SLC45A1: variants seen among roughly 807,000 people sequenced by gnomAD.
The protein encoded by SLC45A1 is proton-associated sugar transporter A.
In SLC45A1, 28 loss-of-function variants were observed where a neutral mutation model predicts 57.6. The observed-to-expected ratio is 0.49, with a 90% CI of 0.36 to 0.67. The LOEUF is 0.67. SLC45A1 is among the 30% of genes least tolerant of loss of function. SLC45A1 has a pLI of 0.00. For synonymous variants in SLC45A1, 459 were observed against 471.5 expected (o/e 0.97, Z 0.34); for missense variants, 814 against 1,041.5 (o/e 0.78, Z 3.01).
intron 2 of SLC45A1, 77 bp downstream of exon 2, chr1:8,324,803 C>T (rs1640147089): frequency 7.3e-7 from 1 of 1,363,456 alleles, no homozygotes; most frequent in African/African-American, 1.5e-5. Context: ...CCTGAGGGTC[C>T]TGAGGGGAGA....
chr1:8,325,371 C>G lies in SLC45A1; in HGVS notation c.471C>G (p.Phe157Leu). 3.1e-6 allele frequency: 5 copies of G among 1,611,206 alleles called. No individual in the cohort carries two copies. The highest frequency in any genetic ancestry group is 4.2e-6 in the Non-Finnish European group (5 of 1,177,748). The change falls in exon 3 of 9, where the codon TTC (phenylalanine) becomes TTG (leucine). Residue 157 changes from phenylalanine to leucine, a missense_variant. Transcript: ENST00000471889. This position sits in a 1 kb window ranked among gnomAD's most constrained non-coding sequence, Gnocchi z 6.3. ...CAAGGTTTGGAAGGAGACGCCCTTT[C>G]ATTCTTGTCCTGGCTATAGGTCTGT... is the stretch of plus-strand genomic sequence containing the variant. ...CTSRFGRRRP[F>L]ILVLAIGALL...
In SLC45A1 at chr1:8,330,527, C is replaced by T. The variant is rs777620328; in HGVS notation, c.1034C>T (p.Thr345Met). 13 of 1,613,274 alleles carry T rather than the reference C, an allele frequency of 8.1e-6. No individual in the cohort carries two copies. Among genetic ancestry groups the T allele is most frequent in the Admixed American group, 3.3e-5 (2 of 60,012 alleles). Residue 345 changes from threonine (T) to methionine (M), a missense_variant, in exon 5 of 9, where the codon ACG becomes ATG. Transcript: ENST00000471889. The surrounding 1 kb of genome is among the most constrained non-coding windows in gnomAD (Gnocchi z 8.4). Reference sequence around the variant, plus strand: ...CCCATCTCGCCGCCCAGCCCCCTCACGCCCAAGTACGGCAGCTTCATCAGC... The same window carrying T: ...CCCATCTCGCCGCCCAGCCCCCTCATGCCCAAGTACGGCAGCTTCATCAGC... ...SSPISPPSPL[T>M]PKYGSFISRD...
Position 8,335,552 on chromosome 1 carries a change from C to T in SLC45A1, c.1559C>T (p.Pro520Leu). The change falls in exon 6 of 9, where the codon CCC becomes CTC. Residue 520 changes from proline (P) to leucine (L), a missense_variant. Physicochemically the swap from Pro to Leu is moderately conservative, Grantham distance 98 (BLOSUM62 -3). Coordinates refer to ENST00000471889, the MANE Select transcript of SLC45A1 (RefSeq NM_001080397.3). This position sits in a 1 kb window ranked among gnomAD's most constrained non-coding sequence, Gnocchi z 4.1. Reference protein sequence around the residue: ...GRLCSTICNMPKALRTLCVNH... With the variant: ...GRLCSTICNMLKALRTLCVNH... ...CTCTGCTCCACCATCTGCAACATGCCCAAGGCGCTACGCACCCTCTGCGTC... is the reference window on the plus strand; with the variant it reads ...CTCTGCTCCACCATCTGCAACATGCTCAAGGCGCTACGCACCCTCTGCGTC... The T allele has an allele frequency of 6.2e-7, 1 of 1,606,764 alleles. No individual in the cohort carries two copies. The highest frequency in any genetic ancestry group is 8.5e-7 in the Non-Finnish European group (1 of 1,179,522).
Position 8,330,160 on chromosome 1 carries a change from G to C in SLC45A1, c.716-49G>C. 6.3e-7 allele frequency: 1 copy of C among 1,588,110 alleles called. No homozygotes were observed. The highest frequency in any genetic ancestry group is 1.1e-5 in the South Asian group (1 of 87,552). ...TCTAAGAACGGGGCCACCGCGTTTGGGGCTTCTCCTCCCGCAGAAGGGAAC... is the reference window on the plus strand; with the variant it reads ...TCTAAGAACGGGGCCACCGCGTTTGCGGCTTCTCCTCCCGCAGAAGGGAAC... On this transcript the variant is annotated intron_variant, in intron 4 of 8. Coordinates refer to ENST00000471889, the MANE Select transcript of SLC45A1 (RefSeq NM_001080397.3). The surrounding 1 kb of genome is among the most constrained non-coding windows in gnomAD (Gnocchi z 8.4).
chr1:8,327,372 C>G lies in SLC45A1; in HGVS notation c.715+1330C>G, dbSNP rs991347468. On this transcript the variant is annotated intron_variant, in intron 4 of 8. Coordinates refer to ENST00000471889, the MANE Select transcript of SLC45A1 (RefSeq NM_001080397.3). The surrounding 1 kb of genome is among the most constrained non-coding windows in gnomAD (Gnocchi z 4.3). ...CAAGAATGCACCCATCCCACAGAGC[C>G]ACTGCCATTAGGGACACACAAACAA... 6.6e-6 allele frequency among the ~76,000 whole-genome samples: 1 copy of G among 152,196 alleles called. No homozygotes were observed. Among genetic ancestry groups the G allele is most frequent in the Non-Finnish European group, 1.5e-5 (1 of 68,042 alleles).
intron 1 of SLC45A1, among the ~76,000 whole-genome samples, chr1:8,321,903 GTGGATGGA>G (rs1210033380): frequency 1.4e-4 from 21 of 148,316 alleles, no homozygotes; most frequent in Non-Finnish European, 2.5e-4. Context: ...GGATGGGTGG[GTGGATGGA>G]TGGATGGATG....
chr1:8,338,114 G>A (rs1201514333), intron 7 of SLC45A1, 122 bp downstream of exon 7: 15 of 907,950 alleles, frequency 1.7e-5, no homozygotes, highest in Admixed American at 2.7e-5. Flanking sequence ...TTTGGGGGAC[G>A]CCACTGTCTT....
chr1:8,340,853 G>A (rs1377515319), intron 8 of SLC45A1, among the ~76,000 whole-genome samples: 7 of 152,054 alleles, frequency 4.6e-5, no homozygotes, highest in Admixed American at 2.0e-4. Flanking sequence ...ATCTCGTTAC[G>A]GATTATGGAT....
intron 6 of SLC45A1, chr1:8,336,058 C>T (rs1335574002): frequency 6.3e-6 from 1 of 157,882 alleles, no homozygotes. Flanking sequence ...AAAGCACCAA[C>T]TTGCGTTTCA....
rs1640577122 is a variant in SLC45A1 at position 8,335,492 on chromosome 1, G to C, written c.1499G>C (p.Ser500Thr). ...TATGAGAGCGAGCTGACGGGCTCCA[G>C]CGAGCGCGCGGAGCAGCCTCTGTCC... Reference protein sequence around the residue: ...VKYESELTGSSERAEQPLSVG... With the variant: ...VKYESELTGSTERAEQPLSVG... The change falls in exon 6 of 9, where the codon AGC becomes ACC. Residue 500 changes from serine (S) to threonine (T), a missense_variant. By Grantham distance (58) the Ser-to-Thr change is moderately conservative. Coordinates refer to ENST00000471889, the MANE Select transcript of SLC45A1 (RefSeq NM_001080397.3). The surrounding 1 kb of genome is among the most constrained non-coding windows in gnomAD (Gnocchi z 4.1). The C allele has an allele frequency of 1.2e-6, 2 of 1,602,418 alleles. No homozygotes were observed. Among genetic ancestry groups the C allele is most frequent in the Non-Finnish European group, 1.7e-6 (2 of 1,179,628 alleles).
intron 1 of SLC45A1, among the ~76,000 whole-genome samples, chr1:8,321,691 G>A (rs1371159411): frequency 6.6e-6 from 1 of 152,120 alleles, no homozygotes; most frequent in African/African-American, 2.4e-5. Flanking sequence ...ATAGGTAGAT[G>A]GGTGAGTGGA....
At position 8,324,589 on chromosome 1, in the gene SLC45A1, T is replaced by C. The variant is rs1480233849; in HGVS notation, c.260T>C (p.Leu87Pro). The change falls in exon 2 of 9, where the codon CTG becomes CCG. Residue 87 changes from leucine (L) to proline (P), a missense_variant. Physicochemically the swap from Leu to Pro is moderately conservative, Grantham distance 98 (BLOSUM62 -3). Coordinates refer to ENST00000471889, the MANE Select transcript of SLC45A1 (RefSeq NM_001080397.3). ...DLHPQRSFRE[L>P]LFNGCILFGI... ...CACCCCCAGAGGTCCTTCCGGGAGCTGCTTTTCAACGGCTGCATTCTCTTT... is the reference window on the plus strand; with the variant it reads ...CACCCCCAGAGGTCCTTCCGGGAGCCGCTTTTCAACGGCTGCATTCTCTTT... The C allele has an allele frequency of 1.2e-6, 2 of 1,604,708 alleles. No homozygotes were observed. Among genetic ancestry groups the C allele is most frequent in the Non-Finnish European group, 1.7e-6 (2 of 1,176,064 alleles).
intron 8 of SLC45A1, among the ~76,000 whole-genome samples, chr1:8,340,733 G>A (rs1383096022): frequency 3.9e-5 from 6 of 152,126 alleles, no homozygotes; most frequent in Admixed American, 3.9e-4. Flanking sequence ...CCCAAATACT[G>A]GGCATGGCTT....
rs565769457 is a variant in SLC45A1, at chr1:8,325,439, C to T, written c.490+49C>T. The T allele has an allele frequency of 7.5e-7, 1 of 1,327,362 alleles. No individual in the cohort carries two copies. The highest frequency in any genetic ancestry group is 1.9e-5 in the Admixed American group (1 of 51,710). 82.2% of individuals were successfully genotyped at this position (1,327,362 alleles called of 1,614,324 possible). On this transcript the variant is annotated intron_variant, in intron 3 of 8. Transcript: ENST00000471889. This position sits in a 1 kb window ranked among gnomAD's most constrained non-coding sequence, Gnocchi z 6.3. The stretch of plus-strand genomic sequence containing the variant: ...AAAATGGAGAGGAAAAAAAAAAGGC[C>T]CCAACTGCTTCCTTTTAGGAAAATT...
intron 6 of SLC45A1, among the ~76,000 whole-genome samples, chr1:8,336,645 G>A (rs1414526604): frequency 1.3e-5 from 2 of 152,182 alleles, no homozygotes; most frequent in Non-Finnish European, 1.5e-5. Flanking sequence ...CACAGACTGC[G>A]ATTGGGGGAT....
In SLC45A1 at chr1:8,330,894, T is replaced by A. The variant is rs1569949371; in HGVS notation, c.1401T>A (p.Gly467=). 4 of 1,601,162 alleles carry A rather than the reference T, an allele frequency of 2.5e-6. No individual in the cohort carries two copies. The highest frequency in any genetic ancestry group is 1.3e-5 in the African/African-American group (1 of 74,464). The change falls in exon 5 of 9, where the codon GGT becomes GGA. Residue 467 remains glycine, a synonymous_variant. Coordinates refer to ENST00000471889, the MANE Select transcript of SLC45A1 (RefSeq NM_001080397.3). The surrounding 1 kb of genome is among the most constrained non-coding windows in gnomAD (Gnocchi z 8.4). Reference sequence around the variant, plus strand: ...TCCCGGACGCAGCCGGAGGAGGGGGTCCCGAAACCAGCAGGAGAAGGAATG... The same window carrying A: ...TCCCGGACGCAGCCGGAGGAGGGGGACCCGAAACCAGCAGGAGAAGGAATG... The part of the protein sequence containing the change: ...LAIPDAAGGG[G]PETSRRRNVT...
At position 8,337,604 on chromosome 1, in the gene SLC45A1, G is replaced by A. The variant is rs1640658902; in HGVS notation, c.1598-212G>A. On this transcript the variant is annotated intron_variant, in intron 6 of 8. Coordinates refer to ENST00000471889, the MANE Select transcript of SLC45A1 (RefSeq NM_001080397.3). ...TGGCTAATTTTTTGTATTTTCAGTA[G>A]AGACGGGGTTTCACCATGTTAGCCA... Among the ~76,000 whole-genome samples, 4 of 152,168 alleles carry A rather than the reference G, an allele frequency of 2.6e-5. 1 individual carries two copies. In the South Asian group the frequency reaches 8.3e-4, roughly 32 times the overall value.
intron 2 of SLC45A1, 114 bp downstream of exon 2, chr1:8,324,840 T>G (rs1487228941): frequency 9.5e-7 from 1 of 1,055,266 alleles, no homozygotes; most frequent in Admixed American, 2.9e-5. Flanking sequence ...TAAGTTCCCT[T>G]CATCAGTCTG....
At position 8,323,402 on chromosome 1, in the gene SLC45A1, C is replaced by T. The variant is rs190318471; in HGVS notation, c.-24-904C>T. On this transcript the variant is annotated intron_variant, in intron 1 of 8. Transcript: ENST00000471889. Reference sequence around the variant, plus strand: ...GCTACTTGGGAGGCTGAGGCAGGAGCGTGGCTTGAACCTGGGAGGTGGAGG... The same window carrying T: ...GCTACTTGGGAGGCTGAGGCAGGAGTGTGGCTTGAACCTGGGAGGTGGAGG... Among the ~76,000 whole-genome samples, 689 of 149,406 alleles carry T rather than the reference C, an allele frequency of 4.6e-3. 6 individuals carry two copies. Among genetic ancestry groups the T allele is most frequent in the African/African-American group, 0.016 (662 of 40,354 alleles).
Sources: allele counts gnomAD v4.1 joint callset (sites outside exome capture counted in the v4.1 genomes callset), GRCh38; gene constraint gnomAD v4.1.1; non-coding constraint Gnocchi (gnomAD v3.1); transcripts MANE v1.5; gene names NCBI Gene and HGNC (gene_info 2026-07-23, HGNC 2026-07-21).